The following CACHD1 variants were observed in gnomAD, a reference collection of about 807,000 sequenced individuals.
CACHD1 encodes the protein cache domain containing 1, also known as VWFA and cache domain-containing protein 1.
Under a neutral mutation model 138.7 loss-of-function variants are expected in CACHD1, and 71 were observed. The observed-to-expected ratio is 0.51, with a 90% CI of 0.42 to 0.62. The LOEUF (loss-of-function observed/expected upper bound fraction) is 0.62. Among genes scored for constraint, CACHD1 ranks in the 20% least tolerant of loss-of-function variants. CACHD1 has a pLI of 0.00. For missense variants in CACHD1, 1,389 were observed against 1,625.3 expected (o/e 0.85, Z 2.50); for synonymous variants, 578 against 591.5 (o/e 0.98, Z 0.33).
intron 1 of CACHD1, among the ~76,000 whole-genome samples, chr1:64,487,014 A>G (rs1646246927): frequency 6.6e-6 from 1 of 152,164 alleles, no homozygotes; most frequent in South Asian, 2.1e-4. Context: ...AAGCATACAG[A>G]GACCTGTGGA....
At chr1:64,559,314 A>T (rs1646821640) in intron 2 of CACHD1, among the ~76,000 whole-genome samples, 1 of 152,234 alleles carries the variant, frequency 6.6e-6, no homozygotes, top group South Asian at 2.1e-4. Context: ...ATATTATGCA[A>T]CCATAAAACA....
chr1:64,653,682 C>T, intron 10 of CACHD1, 76 bp from the exon 11 acceptor site: 4 of 1,495,660 alleles, frequency 2.7e-6, no homozygotes, highest in South Asian at 1.2e-5. Flanking sequence ...CCAGAGTACC[C>T]CATATTTCAA....
intron 2 of CACHD1, among the ~76,000 whole-genome samples, chr1:64,568,256 T>C (rs1033951741): frequency 1.3e-5 from 2 of 152,136 alleles, no homozygotes; most frequent in Admixed American, 1.3e-4. Flanking sequence ...TTGGACCAGT[T>C]TGTGGGATGA....
At chr1:64,615,564 G>C (rs796233984) in intron 4 of CACHD1, among the ~76,000 whole-genome samples, 1 of 152,176 alleles carries the variant, frequency 6.6e-6, no homozygotes, top group Non-Finnish European at 1.5e-5. Context: ...CTTGCCCATA[G>C]CACGTATACA....
At chr1:64,481,192 T>C (rs1344770020) in intron 1 of CACHD1, among the ~76,000 whole-genome samples, 1 of 151,966 alleles carries the variant, frequency 6.6e-6, no homozygotes, top group East Asian at 1.9e-4. Flanking sequence ...GCCAGGGGAG[T>C]AAATTCTTAT....
intron 26 of CACHD1, 53 bp from the exon 27 acceptor site, chr1:64,691,270 T>C: frequency 6.5e-7 from 1 of 1,545,312 alleles, no homozygotes; most frequent in Non-Finnish European, 8.9e-7. Context: ...GGTGAAATCT[T>C]CTGTCTGCGT....
rs979703573 is a variant in CACHD1, at chr1:64,531,525, G to C, written c.199-19069G>C. 6.8e-5 allele frequency among the ~76,000 whole-genome samples: 10 copies of C among 147,816 alleles called. No individual in the cohort carries two copies. In the East Asian group the frequency reaches 1.4e-3, roughly 20 times the overall value. On this transcript the variant is annotated intron_variant, in intron 1 of 26. Transcript: ENST00000651257. ...TGTGTGTGTGTGTGTGTGTGTGTGT[G>C]TGTGTCTGTGTAGGGGTGGGAGGAG...
chr1:64,492,425 C>T (rs1425998652), intron 1 of CACHD1, among the ~76,000 whole-genome samples: 1 of 94,498 alleles, frequency 1.1e-5, no homozygotes, highest in Non-Finnish European at 2.8e-5. Flanking sequence ...CAGCTCTGGC[C>T]TCCATGTCCC....
intron 24 of CACHD1, among the ~76,000 whole-genome samples, chr1:64,680,466 C>T (rs544298852): frequency 1.1e-3 from 168 of 151,076 alleles, no homozygotes; most frequent in African/African-American, 3.9e-3. Context: ...CCATTCTGGG[C>T]GAAAGAGTGA....
chr1:64,550,575 C>T lies in CACHD1; in HGVS notation c.199-19C>T, dbSNP rs769400128. On this transcript the variant is annotated intron_variant, in intron 1 of 26. Coordinates refer to ENST00000651257, the MANE Select transcript of CACHD1 (RefSeq NM_020925.4). ...TGACTTATTTAGAAAATCTCATGTT[C>T]ATTTTCTTTTCATTGCAGCGGATAT... 1.3e-6 allele frequency: 2 copies of T among 1,584,150 alleles called. No homozygotes were observed. Among genetic ancestry groups the T allele is most frequent in the Non-Finnish European group, 1.7e-6 (2 of 1,153,604 alleles).
Position 64,676,973 on chromosome 1 carries a change from G to C in CACHD1, c.3054G>C (p.Gln1018His), listed in dbSNP as rs1278531177. Reference sequence around the variant, plus strand: ...CTGGCCTGCAAGATGCTCTTCACCAGTGTGTCAACAGCAGGTGCAGTCAGA... The same window carrying C: ...CTGGCCTGCAAGATGCTCTTCACCACTGTGTCAACAGCAGGTGCAGTCAGA... ...IDPGLQDALH[Q>H]CVNSRCSQRL... is the part of the protein sequence containing the mutation. The change falls in exon 22 of 27, where the codon CAG (glutamine) becomes CAC (histidine). Residue 1018 changes from glutamine (Q) to histidine (H), a missense_variant. Gln to His is a conservative substitution (Grantham distance 24). Coordinates refer to ENST00000651257, the MANE Select transcript of CACHD1 (RefSeq NM_020925.4). 1.2e-6 allele frequency: 2 copies of C among 1,613,858 alleles called. No individual in the cohort carries two copies. The highest frequency in any genetic ancestry group is 1.7e-6 in the Non-Finnish European group (2 of 1,179,914).
intron 1 of CACHD1, among the ~76,000 whole-genome samples, chr1:64,539,206 A>C (rs1025230636): frequency 7.9e-5 from 12 of 152,196 alleles, no homozygotes; most frequent in Non-Finnish European, 1.5e-4. Flanking sequence ...ACAGTTTAGG[A>C]AAGTGGGTGC....
rs79678264 is a variant in CACHD1 at position 64,627,768 on chromosome 1, T to A, written c.518-1587T>A. Among the ~76,000 whole-genome samples, 500 of 152,312 alleles carry A rather than the reference T, an allele frequency of 3.3e-3. 4 individuals carry two copies. Among genetic ancestry groups the A allele is most frequent in the African/African-American group, 0.011 (469 of 41,564 alleles). Reference sequence around the variant, plus strand: ...AGTCAGAAGAGCTATGTTCAAGACATGATCTTACCACCTACTAGCTGTGGA... The same window carrying A: ...AGTCAGAAGAGCTATGTTCAAGACAAGATCTTACCACCTACTAGCTGTGGA... On this transcript the variant is annotated intron_variant, in intron 4 of 26. Transcript: ENST00000651257.
chr1:64,639,988 G>C (rs1258302595), intron 7 of CACHD1, among the ~76,000 whole-genome samples: 1 of 152,192 alleles, frequency 6.6e-6, no homozygotes, highest in Non-Finnish European at 1.5e-5. Flanking sequence ...TTGCTGGCAG[G>C]ATCTTCAGTT....
intron 1 of CACHD1, among the ~76,000 whole-genome samples, chr1:64,503,518 G>A (rs946223273): frequency 6.6e-6 from 1 of 152,188 alleles, no homozygotes; most frequent in Non-Finnish European, 1.5e-5. Context: ...TCTTACATGT[G>A]AATAAAGAGA....
chr1:64,560,133 G>GTCT (rs969274743), intron 2 of CACHD1, among the ~76,000 whole-genome samples: 3 of 152,130 alleles, frequency 2.0e-5, no homozygotes, highest in African/African-American at 7.2e-5. Context: ...GACAAAATCA[G>GTCT]AGATAGAATG....
At chr1:64,610,450 G>A (rs1164377699) in intron 4 of CACHD1, among the ~76,000 whole-genome samples, 1 of 152,192 alleles carries the variant, frequency 6.6e-6, no homozygotes, top group African/African-American at 2.4e-5. Flanking sequence ...TACAGGCATT[G>A]GGCAAATAGA....
At chr1:64,519,834 C>T (rs1320806658) in intron 1 of CACHD1, among the ~76,000 whole-genome samples, 2 of 152,024 alleles carry the variant, frequency 1.3e-5, no homozygotes, top group African/African-American at 2.4e-5. Flanking sequence ...CTCCTAGGTG[C>T]TTTTTTCTGG....
intron 2 of CACHD1, among the ~76,000 whole-genome samples, chr1:64,558,900 A>G (rs982306353): frequency 6.6e-6 from 1 of 152,226 alleles, no homozygotes; most frequent in African/African-American, 2.4e-5. Flanking sequence ...AGAAAAGCTC[A>G]ATATCACTGA....
Sources: allele counts gnomAD v4.1 joint callset (sites outside exome capture counted in the v4.1 genomes callset), GRCh38; gene constraint gnomAD v4.1.1; transcripts MANE v1.5; gene names NCBI Gene and HGNC (gene_info 2026-07-23, HGNC 2026-07-21).